DIP2C: variants seen among roughly 807,000 people sequenced by gnomAD.
DIP2C encodes the protein DIP2 acetate--CoA ligase C (putative).
Under a neutral mutation model 192.4 loss-of-function variants are expected in DIP2C, and 33 were observed. The ratio of observed to expected loss-of-function variants is 0.17; its 90% CI spans 0.13 to 0.23. DIP2C has a LOEUF of 0.23. Ranked by LOEUF, DIP2C falls within the 10% of genes least tolerant of loss-of-function variation. The pLI is 1.00. For missense variants in DIP2C, 1,537 were observed against 2,110.1 expected, an observed-to-expected ratio of 0.73 and a Z score of 5.32; for synonymous variants, 979 against 864.1, an observed-to-expected ratio of 1.13 and a Z score of -2.33.
intron 1 of DIP2C, among the ~76,000 whole-genome samples, chr10:545,715 C>T (rs779510816): frequency 6.6e-6 from 1 of 152,156 alleles, no homozygotes; most frequent in Non-Finnish European, 1.5e-5. Flanking sequence ...CTCACAGTAT[C>T]GACTCTTACA....
intron 1 of DIP2C, among the ~76,000 whole-genome samples, chr10:492,540 CATTA>C (rs1380589702): frequency 1.3e-5 from 2 of 152,188 alleles, no homozygotes; most frequent in African/African-American, 2.4e-5. Context: ...TAATAAAAAA[CATTA>C]TTTATTGTTA....
At chr10:542,142 C>T (rs1848026865) in intron 1 of DIP2C, among the ~76,000 whole-genome samples, 1 of 152,214 alleles carries the variant, frequency 6.6e-6, no homozygotes, top group East Asian at 1.9e-4. Context: ...ATCCCACTTG[C>T]CTGCTGGCTC....
At chr10:427,321 C>T (rs1365114739) in intron 4 of DIP2C, among the ~76,000 whole-genome samples, 1 of 152,184 alleles carries the variant, frequency 6.6e-6, no homozygotes, top group Admixed American at 6.5e-5. Flanking sequence ...AGTGGGTCCA[C>T]CTGCTTAAAC....
chr10:476,240 TCTC>T (rs1315815410), intron 2 of DIP2C, among the ~76,000 whole-genome samples: 2 of 151,964 alleles, frequency 1.3e-5, no homozygotes, highest in Non-Finnish European at 2.9e-5. Flanking sequence ...GAGATGAGGT[TCTC>T]CTCCCAGGAG....
At chr10:382,802 T>C (rs1217044871) in intron 16 of DIP2C, 41 bp from the exon 17 acceptor site, 2 of 1,402,258 alleles carry the variant, frequency 1.4e-6, no homozygotes, top group Non-Finnish European at 2.0e-6. Flanking sequence ...GCTGAAGCAC[T>C]GTGATTGATT....
intron 1 of DIP2C, among the ~76,000 whole-genome samples, chr10:503,149 A>G (rs1265238142): frequency 6.6e-6 from 1 of 151,280 alleles, no homozygotes; most frequent in Non-Finnish European, 1.5e-5. Flanking sequence ...ACTTACCACA[A>G]TTCCAACATA....
intron 8 of DIP2C, among the ~76,000 whole-genome samples, chr10:410,940 G>A (rs1048034155): frequency 6.6e-6 from 1 of 152,184 alleles, no homozygotes; most frequent in Admixed American, 6.5e-5. Flanking sequence ...CAGCACTATT[G>A]TATTAGATAT....
At chr10:639,608 A>G (rs1855050866) in intron 1 of DIP2C, among the ~76,000 whole-genome samples, 1 of 152,234 alleles carries the variant, frequency 6.6e-6, no homozygotes, top group African/African-American at 2.4e-5. Flanking sequence ...CTCACGTCCA[A>G]GGTCATTAAA....
chr10:580,880 C>T (rs559486475), intron 1 of DIP2C, among the ~76,000 whole-genome samples: 9 of 152,336 alleles, frequency 5.9e-5, no homozygotes, highest in South Asian at 2.1e-4. Flanking sequence ...CAGAGGTTTC[C>T]TAACATAGTA....
chr10:574,568 A>G (rs1055258485), intron 1 of DIP2C, among the ~76,000 whole-genome samples: 13 of 152,332 alleles, frequency 8.5e-5, no homozygotes, highest in African/African-American at 3.1e-4. Flanking sequence ...ACAGTCCAGG[A>G]AAGAACAGGT....
chr10:335,434 G>A (rs951031205), intron 29 of DIP2C, among the ~76,000 whole-genome samples: 1 of 152,200 alleles, frequency 6.6e-6, no homozygotes, highest in Non-Finnish European at 1.5e-5. Context: ...CTCAGACCCT[G>A]TTCAAGTTTC....
At chr10:376,346 G>A (rs545779059) in intron 17 of DIP2C, among the ~76,000 whole-genome samples, 6 of 151,544 alleles carry the variant, frequency 4.0e-5, no homozygotes, top group East Asian at 1.9e-4. Context: ...GGCCCCCGAC[G>A]GAGCCGGCAC....
intron 23 of DIP2C, among the ~76,000 whole-genome samples, chr10:357,490 A>G (rs1959138414): frequency 6.6e-6 from 1 of 152,212 alleles, no homozygotes; most frequent in African/African-American, 2.4e-5. Flanking sequence ...GAGTCGTGGG[A>G]CTGGACACCC....
chr10:670,119 C>T (rs553627963), intron 1 of DIP2C, among the ~76,000 whole-genome samples: 3 of 152,138 alleles, frequency 2.0e-5, no homozygotes, highest in Non-Finnish European at 2.9e-5. Flanking sequence ...TGTACATATG[C>T]TCATACATGT....
intron 1 of DIP2C, among the ~76,000 whole-genome samples, chr10:503,310 A>C (rs1845379832): frequency 1.3e-5 from 2 of 152,272 alleles, no homozygotes; most frequent in Admixed American, 6.5e-5. Context: ...TGAAAGGGAA[A>C]GAAACAGGAC....
chr10:388,574 G>GT (rs1326567752), intron 13 of DIP2C, among the ~76,000 whole-genome samples: 1 of 147,656 alleles, frequency 6.8e-6, no homozygotes, highest in Non-Finnish European at 1.5e-5. Flanking sequence ...AAGAGCGAAC[G>GT]TATCATTCCC....
intron 1 of DIP2C, among the ~76,000 whole-genome samples, chr10:493,755 G>A (rs1844621167): frequency 6.6e-6 from 1 of 152,180 alleles, no homozygotes; most frequent in Non-Finnish European, 1.5e-5. Flanking sequence ...TACAAAGTCG[G>A]GGTCTTACTG....
intron 32 of DIP2C, among the ~76,000 whole-genome samples, chr10:294,773 A>G (rs1028895164): frequency 4.6e-5 from 7 of 152,148 alleles, no homozygotes; most frequent in Non-Finnish European, 7.4e-5. Flanking sequence ...TACTTACTGA[A>G]TAAGACCTCA....
chr10:329,448 T>C lies in DIP2C; in HGVS notation c.3738A>G (p.Gln1246=). The change falls in exon 30 of 37, where the codon CAA becomes CAG. Residue 1246 remains glutamine, a synonymous_variant. Transcript: ENST00000280886. ...AGCTGCTTACCTTGAGGGACTCTGT[T>C]TGCGAGCCCAGCCCCTTGGTGCACA... is the stretch of plus-strand genomic sequence containing the variant. ...MELCTKGLGS[Q]TESLKARGLD... The C allele has an allele frequency of 6.2e-7, 1 of 1,613,712 alleles. No individual in the cohort carries two copies. Among genetic ancestry groups the C allele is most frequent in the Non-Finnish European group, 8.5e-7 (1 of 1,179,812 alleles).
Sources: allele counts gnomAD v4.1 joint callset (sites outside exome capture counted in the v4.1 genomes callset), GRCh38; gene constraint gnomAD v4.1.1; transcripts MANE v1.5; gene names NCBI Gene and HGNC (gene_info 2026-07-23, HGNC 2026-07-21).